STK38: variants seen among roughly 807,000 people sequenced by gnomAD.
STK38 encodes serine/threonine-protein kinase 38.
A neutral mutation model predicts 59.0 loss-of-function variants in STK38; 26 were observed. The observed-to-expected ratio is 0.44, with a 90% CI of 0.32 to 0.61. STK38 has a LOEUF of 0.61. Among genes scored for constraint, STK38 ranks in the 20% least tolerant of loss-of-function variants. The pLI, the probability that STK38 is intolerant of heterozygous loss-of-function variation, is 0.04. For synonymous variants in STK38, 175 were observed against 176.6 expected, an observed-to-expected ratio of 0.99 and a Z score of 0.07; for missense variants, 433 against 566.0, an observed-to-expected ratio of 0.76 and a Z score of 2.38.
chr6:36,505,318 A>T (rs1776938989), intron 9 of STK38, among the ~76,000 whole-genome samples: 1 of 152,226 alleles, frequency 6.6e-6, no homozygotes, highest in Admixed American at 6.5e-5. Context: ...TCAACCACAT[A>T]CAGAATTCAG....
intron 2 of STK38, among the ~76,000 whole-genome samples, chr6:36,534,504 T>G (rs1463639713): frequency 6.6e-6 from 1 of 151,460 alleles, no homozygotes; most frequent in Admixed American, 6.6e-5. Context: ...AAAAAAAAAA[T>G]TAGCCAGGTG....
rs1242694741 is a variant in STK38 at position 36,521,761 on chromosome 6, A to C, written c.363T>G (p.Arg121=). The C allele has an allele frequency of 6.2e-7, 1 of 1,612,022 alleles. No homozygotes were observed. Among genetic ancestry groups the C allele is most frequent in the Non-Finnish European group, 8.5e-7 (1 of 1,179,590 alleles). The change falls in exon 5 of 14, where the codon CGT becomes CGG. Residue 121 remains arginine, a synonymous_variant. Transcript: ENST00000229812. ...GCTCTTTTTCAAGCATATCTGCTTTACGGAGTATTTTCATTGCATACACAT... is the reference window on the plus strand; with the variant it reads ...GCTCTTTTTCAAGCATATCTGCTTTCCGGAGTATTTTCATTGCATACACAT... ...TGHVYAMKIL[R]KADMLEKEQV...
chr6:36,515,556 A>C, intron 6 of STK38, 64 bp from the exon 7 acceptor site: 1 of 1,544,634 alleles, frequency 6.5e-7, no homozygotes, highest in Non-Finnish European at 8.7e-7. Flanking sequence ...ACACACACAC[A>C]ACATACGAGT....
intron 2 of STK38, among the ~76,000 whole-genome samples, chr6:36,532,546 C>T (rs1178419142): frequency 2.6e-5 from 4 of 151,950 alleles, no homozygotes; most frequent in Non-Finnish European, 4.4e-5. Context: ...GAGGCCAAGG[C>T]GGGTGGATCA....
In STK38 at chr6:36,524,290, C is replaced by A. The variant is rs770520794; in HGVS notation, c.306+51G>T. 9.2e-5 allele frequency: 145 copies of A among 1,579,974 alleles called. No homozygotes were observed. The South Asian group carries it at 1.5e-3, about 17-fold the overall frequency. On this transcript the variant is annotated intron_variant, in intron 4 of 13. Transcript: ENST00000229812. ...TCATGACTTAATGGTATGTTAGAAG[C>A]TTTGAAGTTTTGCAATATTTTTCTA...
At position 36,521,831 on chromosome 6, in the gene STK38, A is replaced by G. The variant is rs145025744; in HGVS notation, c.307-14T>C. On this transcript the variant is annotated splice_polypyrimidine_tract_variant and intron_variant, in intron 4 of 13. Coordinates refer to ENST00000229812, the MANE Select transcript of STK38 (RefSeq NM_007271.4). Reference sequence around the variant, plus strand: ...AACAAGCCGTACCTAAAAAGTTATAAAAGAAATGCCAAGTCAAAAACTCGT... The same window carrying G: ...AACAAGCCGTACCTAAAAAGTTATAGAAGAAATGCCAAGTCAAAAACTCGT... 6,800 of 1,605,596 alleles carry G rather than the reference A, an allele frequency of 4.2e-3. 46 individuals carry two copies. The highest frequency in any genetic ancestry group is 4.0e-3 in the Non-Finnish European group (4,717 of 1,177,382).
intron 2 of STK38, among the ~76,000 whole-genome samples, chr6:36,536,640 T>C (rs1207468994): frequency 6.6e-6 from 1 of 152,116 alleles, no homozygotes; most frequent in Non-Finnish European, 1.5e-5. Flanking sequence ...TTCAAGCGAT[T>C]CTCCTGCCTC....
chr6:36,524,773 C>T (rs80032245), intron 3 of STK38, among the ~76,000 whole-genome samples: 1 of 152,096 alleles, frequency 6.6e-6, no homozygotes, highest in African/African-American at 2.4e-5. Flanking sequence ...ACAATATTTT[C>T]CTTTATCCTG....
chr6:36,522,616 G>A (rs1167456209), intron 4 of STK38: 2 of 152,078 alleles, frequency 1.3e-5, no homozygotes, highest in African/African-American at 4.8e-5. Flanking sequence ...CAGCACTTTG[G>A]AAGGCCGAAG....
intron 2 of STK38, among the ~76,000 whole-genome samples, chr6:36,529,613 G>A (rs1050480562): frequency 6.6e-6 from 1 of 152,128 alleles, no homozygotes; most frequent in Non-Finnish European, 1.5e-5. Flanking sequence ...ATTTAGTTGC[G>A]TGTGTGTTCA....
chr6:36,504,898 C>CAAAAAAAAAAAAAA (rs562032331), intron 9 of STK38, among the ~76,000 whole-genome samples: 1 of 64,066 alleles, frequency 1.6e-5, no homozygotes, highest in Non-Finnish European at 3.0e-5. Flanking sequence ...TCCTGGCCTC[C>CAAAAAAAAAAAAAA]AAAAAAAAAA....
intron 7 of STK38, among the ~76,000 whole-genome samples, chr6:36,511,607 C>T (rs532130114): frequency 3.7e-4 from 56 of 151,708 alleles, no homozygotes; most frequent in African/African-American, 1.3e-3. Context: ...CCACCCACCT[C>T]GGCCTCCCAA....
rs16888697 is a variant in STK38, at chr6:36,510,945, T to C, written c.670-3343A>G. ...AATGCATGTAAGACTCCCAACACAG[T>C]ATCTGGCATATAACTAGCCCTAAGG... On this transcript the variant is annotated intron_variant, in intron 7 of 13. Transcript: ENST00000229812. Among the ~76,000 whole-genome samples, 442 of 152,340 alleles carry C rather than the reference T, an allele frequency of 2.9e-3. 2 individuals carry two copies. The highest frequency in any genetic ancestry group is 0.01 in the African/African-American group (423 of 41,578).
chr6:36,512,483 A>G (rs1051119607), intron 7 of STK38, among the ~76,000 whole-genome samples: 2 of 152,200 alleles, frequency 1.3e-5, no homozygotes, highest in African/African-American at 2.4e-5. Flanking sequence ...TATTAAACAT[A>G]TATCTGACAT....
At chr6:36,500,100 A>G (rs1453342565) in intron 9 of STK38, 110 bp from the exon 10 acceptor site, 13 of 815,922 alleles carry the variant, frequency 1.6e-5, no homozygotes, top group Non-Finnish European at 2.8e-5. Context: ...CCCAAGCTAA[A>G]TAAGCAGGAC....
chr6:36,504,077 G>A (rs2127469135), intron 9 of STK38, among the ~76,000 whole-genome samples: 1 of 152,270 alleles, frequency 6.6e-6, no homozygotes, highest in Admixed American at 6.5e-5. Context: ...AACTGAATGT[G>A]TTCTAACCTT....
At chr6:36,516,173 T>C (rs1018472940) in intron 6 of STK38, among the ~76,000 whole-genome samples, 22 of 152,362 alleles carry the variant, frequency 1.4e-4, no homozygotes, top group African/African-American at 4.1e-4. Context: ...AAATGGACAC[T>C]AGTACCCTTT....
intron 2 of STK38, among the ~76,000 whole-genome samples, chr6:36,537,759 C>T (rs932046963): frequency 2.0e-5 from 3 of 151,958 alleles, no homozygotes; most frequent in Admixed American, 6.6e-5. Context: ...ATTAGCCAAG[C>T]ATGGTGGCAT....
intron 2 of STK38, among the ~76,000 whole-genome samples, chr6:36,527,908 G>C (rs188964409): frequency 6.7e-6 from 1 of 150,234 alleles, no homozygotes; most frequent in South Asian, 2.1e-4. Context: ...GACCATCCTG[G>C]CTAACACAGA....
Sources: allele counts gnomAD v4.1 joint callset (sites outside exome capture counted in the v4.1 genomes callset), GRCh38; gene constraint gnomAD v4.1.1; transcripts MANE v1.5; gene names NCBI Gene and HGNC (gene_info 2026-07-23, HGNC 2026-07-21).